The following FBXO42 variants were observed in gnomAD, a reference collection of about 807,000 sequenced individuals.
FBXO42 encodes the protein F-box only protein 42.
Under a neutral mutation model 71.7 loss-of-function variants are expected in FBXO42, and 12 were observed. The observed-to-expected ratio is 0.17, with a 90% CI of 0.11 to 0.27. The LOEUF (loss-of-function observed/expected upper bound fraction) is 0.27, where lower values mean the gene tolerates loss of function less well. FBXO42 is among the 10% of genes least tolerant of loss of function. The pLI is 1.00. For synonymous variants in FBXO42, 325 were observed against 327.5 expected (o/e 0.99, Z 0.08); for missense variants, 707 against 911.9 (o/e 0.78, Z 2.89).
At chr1:16,318,368 A>G (rs537212492) in intron 1 of FBXO42, among the ~76,000 whole-genome samples, 1 of 152,130 alleles carries the variant, frequency 6.6e-6, no homozygotes, top group Admixed American at 6.6e-5. Context: ...CAGTGAGCTG[A>G]GGTCGCTCCA....
intron 1 of FBXO42, among the ~76,000 whole-genome samples, chr1:16,323,216 A>C (rs2082422409): frequency 6.6e-6 from 1 of 150,504 alleles, no homozygotes; most frequent in Non-Finnish European, 1.5e-5. Flanking sequence ...CAGGAGTTTG[A>C]GACCAGCCTG....
chr1:16,273,816 C>T (rs1376299482), intron 4 of FBXO42, among the ~76,000 whole-genome samples: 1 of 150,884 alleles, frequency 6.6e-6, no homozygotes. Context: ...GAGGTAGAGG[C>T]TGCAGTGAGC....
chr1:16,255,882 G>GT, intron 5 of FBXO42, 61 bp from the exon 6 acceptor site: 6 of 1,147,648 alleles, frequency 5.2e-6, no homozygotes, highest in Non-Finnish European at 7.6e-6. Flanking sequence ...TGTAAAAATA[G>GT]TAAGTAGGCA....
At chr1:16,277,620 G>A (rs1402510585) in intron 4 of FBXO42, among the ~76,000 whole-genome samples, 1 of 151,714 alleles carries the variant, frequency 6.6e-6, no homozygotes, top group East Asian at 1.9e-4. Flanking sequence ...AGCTACTCAG[G>A]AGGCTGAGGC....
At chr1:16,320,331 A>G (rs2082401404) in intron 1 of FBXO42, among the ~76,000 whole-genome samples, 1 of 142,622 alleles carries the variant, frequency 7.0e-6, no homozygotes, top group Admixed American at 7.5e-5. Context: ...ACCGCACTCT[A>G]GCCTGGGCAA....
chr1:16,268,554 TGAA>T (rs1302222305), intron 4 of FBXO42, among the ~76,000 whole-genome samples: 2 of 152,104 alleles, frequency 1.3e-5, no homozygotes, highest in Non-Finnish European at 2.9e-5. Flanking sequence ...CACCACCTCA[TGAA>T]GAAGGTTAAC....
Position 16,283,494 on chromosome 1 carries a change from G to GTTTTTTTTTTTTGTT in FBXO42, c.502+11288_502+11289insAACAAAAAAAAAAAA, listed in dbSNP as rs763063776. ...TTATAGACTCTTCTAACTGTGGCAA[G>GTTTTTTTTTTTTGTT]TTTTTTTTTTTTTTTTTTTTTTTGA... On this transcript the variant is annotated intron_variant, in intron 4 of 9. Transcript: ENST00000375592. 8.9e-4 allele frequency among the ~76,000 whole-genome samples: 72 copies of GTTTTTTTTTTTTGTT among 80,982 alleles called. 4 individuals are homozygous for GTTTTTTTTTTTTGTT. The highest frequency in any genetic ancestry group is 1.1e-3 in the Non-Finnish European group (46 of 42,630). 53.1% of individuals were successfully genotyped at this position (80,982 alleles called of 152,430 possible). A position where few individuals can be genotyped will look rare whatever the true frequency, so the allele number is the denominator to read the frequency against.
intron 4 of FBXO42, among the ~76,000 whole-genome samples, chr1:16,280,852 C>CAA (rs2100499192): frequency 6.6e-6 from 1 of 152,280 alleles, no homozygotes; most frequent in African/African-American, 2.4e-5. Context: ...ACTTTAGAGA[C>CAA]AAAATCTTGG....
chr1:16,338,011 G>A lies in FBXO42; in HGVS notation c.-18+14244C>T, dbSNP rs886964737. Reference sequence around the variant, plus strand: ...GCGGTGGCTCACACCTGTAATCCCAGCACTTTGGGAGGCCGAGGCAGGTGG... The same window carrying A: ...GCGGTGGCTCACACCTGTAATCCCAACACTTTGGGAGGCCGAGGCAGGTGG... On this transcript the variant is annotated intron_variant, in intron 1 of 9. Transcript: ENST00000375592. 5.1e-4 allele frequency among the ~76,000 whole-genome samples: 77 copies of A among 150,292 alleles called. 1 individual carries two copies. Among genetic ancestry groups the A allele is most frequent in the African/African-American group, 1.8e-3 (74 of 40,970 alleles).
At chr1:16,335,219 G>A (rs562466536) in intron 1 of FBXO42, among the ~76,000 whole-genome samples, 6 of 152,224 alleles carry the variant, frequency 3.9e-5, no homozygotes, top group African/African-American at 1.4e-4. Flanking sequence ...TTTGAGGCCA[G>A]GAGTCCAGCT....
chr1:16,345,305 C>A (rs2082646098), intron 1 of FBXO42, among the ~76,000 whole-genome samples: 1 of 151,906 alleles, frequency 6.6e-6, no homozygotes, highest in Non-Finnish European at 1.5e-5. Context: ...CACCTGTAAT[C>A]CCAGCTATTT....
intron 1 of FBXO42, among the ~76,000 whole-genome samples, chr1:16,325,666 GTTTT>G (rs2082442875): frequency 6.6e-6 from 1 of 151,864 alleles, no homozygotes; most frequent in Admixed American, 6.6e-5. Flanking sequence ...TTTTTTTGTT[GTTTT>G]GTTTTTGAGA....
At chr1:16,349,318 T>G (rs1334912469) in intron 1 of FBXO42, among the ~76,000 whole-genome samples, 3 of 152,192 alleles carry the variant, frequency 2.0e-5, no homozygotes, top group Admixed American at 2.0e-4. Flanking sequence ...ACGGGTTTCC[T>G]TGTCTGGCTC....
At chr1:16,314,813 G>T (rs1400929312) in intron 2 of FBXO42, among the ~76,000 whole-genome samples, 4 of 151,870 alleles carry the variant, frequency 2.6e-5, no homozygotes, top group African/African-American at 9.7e-5. Flanking sequence ...GACCCCGGGA[G>T]GCAGAGCTTG....
At chr1:16,257,730 G>A (rs572241590) in intron 4 of FBXO42, among the ~76,000 whole-genome samples, 92 of 152,208 alleles carry the variant, frequency 6.0e-4, no homozygotes, top group African/African-American at 2.2e-3. Flanking sequence ...ACCCAGGCTG[G>A]AGTGCAATGA....
In FBXO42 at chr1:16,251,391, A is replaced by G. The variant is rs777938725; in HGVS notation, c.1433T>C (p.Ile478Thr). ...TCGTCGGGGGGCCAAAGAAAGTCCT[A>G]TTTTCAGGTCGTATCCTTCAGGAGC... ...PSAPEGYDLK[I>T]GLSLAPRRGS... Residue 478 changes from isoleucine (I) to threonine (T), a missense_variant, in exon 10 of 10, where the codon ATA (isoleucine) becomes ACA (threonine). Ile to Thr is a moderately conservative substitution (Grantham distance 89). Around this residue, in one of 5 missense-constraint regions of FBXO42, gnomAD observed 482 missense variants for 587.1 expected, o/e 0.82. Coordinates refer to ENST00000375592, the MANE Select transcript of FBXO42 (RefSeq NM_018994.3). The surrounding 1 kb of genome is among the most constrained non-coding windows in gnomAD (Gnocchi z 4.5). The G allele has an allele frequency of 3.1e-6, 5 of 1,613,950 alleles. No individual in the cohort carries two copies. The highest frequency in any genetic ancestry group is 2.2e-5 in the South Asian group (2 of 91,076).
Position 16,248,513 on chromosome 1 carries a change from G to GT in FBXO42, c.*2156dup, listed in dbSNP as rs1359482029. On this transcript the variant is annotated 3_prime_UTR_variant, in exon 10 of 10. Transcript: ENST00000375592. Reference sequence around the variant, plus strand: ...AGGCCACAGGACTAAGGGAAAGACTGTAAGGTTGAGATTCTGTACTTTCAG... The same window carrying GT: ...AGGCCACAGGACTAAGGGAAAGACTGTTAAGGTTGAGATTCTGTACTTTCAG... 1.3e-5 allele frequency: 2 copies of GT among 152,194 alleles called. No homozygotes were observed. The highest frequency in any genetic ancestry group is 3.8e-4 in the East Asian group (2 of 5,202). 9.4% of individuals were successfully genotyped at this position (152,194 alleles called of 1,614,324 possible). A position where few individuals can be genotyped will look rare whatever the true frequency, so the allele number is the denominator to read the frequency against.
At chr1:16,273,659 C>T (rs781263936) in intron 4 of FBXO42, among the ~76,000 whole-genome samples, 1 of 151,682 alleles carries the variant, frequency 6.6e-6, no homozygotes, top group Non-Finnish European at 1.5e-5. Context: ...GTGGGCAGAT[C>T]TCTTGAGCCT....
chr1:16,247,448 TGAAA>T lies in FBXO42; in HGVS notation c.*3218_*3221del, dbSNP rs756915198. On this transcript the variant is annotated 3_prime_UTR_variant, in exon 10 of 10. Transcript: ENST00000375592. The stretch of plus-strand genomic sequence containing the variant: ...CAGAAGGAAACCCAGAATGACAAGG[TGAAA>T]GAAAGGAAAGGGAAACATCTCTTTG... 7 of 152,128 alleles carry T rather than the reference TGAAA, an allele frequency of 4.6e-5. No individual in the cohort carries two copies. The highest frequency in any genetic ancestry group is 8.8e-5 in the Non-Finnish European group (6 of 68,052). 9.4% of individuals were successfully genotyped at this position (152,128 alleles called of 1,614,324 possible). A position where few individuals can be genotyped will look rare whatever the true frequency, so the allele number is the denominator to read the frequency against.
Sources: allele counts gnomAD v4.1 joint callset (sites outside exome capture counted in the v4.1 genomes callset), GRCh38; gene constraint gnomAD v4.1.1; regional missense constraint gnomAD v4.1.1; non-coding constraint Gnocchi (gnomAD v3.1); transcripts MANE v1.5; gene names NCBI Gene and HGNC (gene_info 2026-07-23, HGNC 2026-07-21).